Variants in EHBP1 observed in about 807,000 individuals in gnomAD.
The protein encoded by EHBP1 is EH domain binding protein 1.
In EHBP1, 55 loss-of-function variants were observed where a neutral mutation model predicts 144.0. The ratio of observed to expected loss-of-function variants is 0.38; its 90% CI spans 0.31 to 0.48. The LOEUF (loss-of-function observed/expected upper bound fraction) is 0.48. EHBP1 is among the 20% of genes least tolerant of loss of function. EHBP1 has a pLI of 0.98. For synonymous variants in EHBP1, 469 were observed against 472.7 expected (o/e 0.99, Z 0.10); for missense variants, 1,200 against 1,364.2 (o/e 0.88, Z 1.90).
At chr2:62,854,269 A>G (rs542975309) in intron 7 of EHBP1, among the ~76,000 whole-genome samples, 1 of 152,358 alleles carries the variant, frequency 6.6e-6, no homozygotes, top group East Asian at 1.9e-4. Flanking sequence ...TCTCTGCATC[A>G]GCAATAAGGC....
At chr2:62,866,365 G>A (rs1296143093) in intron 9 of EHBP1, among the ~76,000 whole-genome samples, 1 of 152,118 alleles carries the variant, frequency 6.6e-6, no homozygotes, top group Non-Finnish European at 1.5e-5. Flanking sequence ...ACATTTATCA[G>A]GCATGTAAAG....
chr2:62,740,319 A>G (rs181365676), intron 2 of EHBP1, among the ~76,000 whole-genome samples: 1 of 152,312 alleles, frequency 6.6e-6, no homozygotes, highest in East Asian at 1.9e-4. Context: ...TATCCTATGT[A>G]TGTACTTTGT....
At chr2:62,851,618 C>T (rs1282625804) in intron 7 of EHBP1, among the ~76,000 whole-genome samples, 1 of 152,130 alleles carries the variant, frequency 6.6e-6, no homozygotes, top group Non-Finnish European at 1.5e-5. Flanking sequence ...CTAGCACAGG[C>T]ATGTAATAGG....
At chr2:62,763,490 A>G (rs922065053) in intron 3 of EHBP1, among the ~76,000 whole-genome samples, 5 of 152,190 alleles carry the variant, frequency 3.3e-5, no homozygotes, top group Non-Finnish European at 1.5e-5. Context: ...ACCGGCACAT[A>G]GAAAGTACTC....
At chr2:62,889,109 G>A (rs2052212926) in intron 10 of EHBP1, among the ~76,000 whole-genome samples, 1 of 126,844 alleles carries the variant, frequency 7.9e-6, no homozygotes, top group Non-Finnish European at 1.6e-5. Flanking sequence ...TGTTGCCCAA[G>A]CTGGAGTGCA....
At chr2:62,699,274 G>A (rs1033135998) in intron 1 of EHBP1, among the ~76,000 whole-genome samples, 2 of 152,170 alleles carry the variant, frequency 1.3e-5, no homozygotes, top group Non-Finnish European at 2.9e-5. Context: ...TGAAGCAAAG[G>A]TCAGTCTACC....
chr2:63,038,597 A>G (rs1387439121), intron 20 of EHBP1, 146 bp from the exon 21 acceptor site: 2 of 624,698 alleles, frequency 3.2e-6, no homozygotes, highest in Non-Finnish European at 5.6e-6. Flanking sequence ...GGAAGGTTTT[A>G]GGTTTGTGTA....
intron 5 of EHBP1, among the ~76,000 whole-genome samples, chr2:62,792,981 C>G (rs1307196477): frequency 6.6e-6 from 1 of 151,594 alleles, no homozygotes; most frequent in Non-Finnish European, 1.5e-5. Flanking sequence ...ATTACACAGC[C>G]AACATAATGA....
At chr2:62,890,500 A>G (rs2052368402) in intron 10 of EHBP1, among the ~76,000 whole-genome samples, 1 of 151,978 alleles carries the variant, frequency 6.6e-6, no homozygotes, top group Non-Finnish European at 1.5e-5. Flanking sequence ...TTTTGTAGTG[A>G]TTGTGAATGG....
chr2:63,039,632 A>G (rs1032278326), intron 21 of EHBP1, among the ~76,000 whole-genome samples: 4 of 152,122 alleles, frequency 2.6e-5, no homozygotes, highest in African/African-American at 9.7e-5. Context: ...TCTTCACCTG[A>G]TAAGGTACCT....
chr2:62,721,958 T>C (rs893622225), intron 2 of EHBP1, among the ~76,000 whole-genome samples: 2 of 152,112 alleles, frequency 1.3e-5, no homozygotes, highest in African/African-American at 4.8e-5. Flanking sequence ...TACAAATAAT[T>C]CACATATACA....
intron 19 of EHBP1, among the ~76,000 whole-genome samples, chr2:63,011,473 A>G (rs912263542): frequency 2.6e-5 from 4 of 151,996 alleles, no homozygotes; most frequent in African/African-American, 9.6e-5. Context: ...TGACAGTATT[A>G]TAAATCCAAG....
intron 14 of EHBP1, among the ~76,000 whole-genome samples, chr2:62,961,420 C>G (rs756129347): frequency 3.3e-5 from 5 of 152,100 alleles, no homozygotes; most frequent in Admixed American, 6.5e-5. Context: ...TTTCATTGCT[C>G]TGGGTCTGTA....
intron 13 of EHBP1, among the ~76,000 whole-genome samples, chr2:62,953,674 G>A (rs1315165878): frequency 6.6e-6 from 1 of 151,290 alleles, no homozygotes; most frequent in African/African-American, 2.4e-5. Flanking sequence ...ATTATCTCTG[G>A]GTACCAGGAC....
chr2:62,949,928 T>C (rs1484917741), intron 13 of EHBP1, among the ~76,000 whole-genome samples: 1 of 152,208 alleles, frequency 6.6e-6, no homozygotes, highest in Non-Finnish European at 1.5e-5. Context: ...ATACCTGGTT[T>C]TCCTATCACT....
intron 11 of EHBP1, among the ~76,000 whole-genome samples, 163 bp downstream of exon 11, chr2:62,943,059 T>G (rs2056855611): frequency 6.6e-6 from 1 of 152,210 alleles, no homozygotes; most frequent in African/African-American, 2.4e-5. Context: ...TCCTTTTTCA[T>G]ACCTAAAAAC....
intron 5 of EHBP1, among the ~76,000 whole-genome samples, chr2:62,799,927 T>G (rs1001648552): frequency 6.6e-6 from 1 of 152,208 alleles, no homozygotes; most frequent in African/African-American, 2.4e-5. Context: ...TGTGGCCACC[T>G]TGTCTCCTTT....
chr2:62,921,809 C>T (rs1329190786), intron 10 of EHBP1, among the ~76,000 whole-genome samples: 1 of 152,122 alleles, frequency 6.6e-6, no homozygotes, highest in Non-Finnish European at 1.5e-5. Context: ...CATAAATAGT[C>T]AAGGAATACA....
chr2:62,875,821 G>A (rs1192241087), intron 10 of EHBP1, among the ~76,000 whole-genome samples: 1 of 152,162 alleles, frequency 6.6e-6, no homozygotes, highest in African/African-American at 2.4e-5. Flanking sequence ...AAACTCACTA[G>A]AAGGATTTCA....
Sources: gnomAD v4.1 joint callset for allele counts (sites outside exome capture counted in the v4.1 genomes callset) on GRCh38, gnomAD v4.1.1 for gene constraint, MANE v1.5 for transcripts, NCBI Gene and HGNC (gene_info 2026-07-23, HGNC 2026-07-21) for gene names.